ITGAV: variants seen among roughly 807,000 people sequenced by gnomAD.
ITGAV encodes the protein integrin alpha-V.
In ITGAV, 76 loss-of-function variants were observed where a neutral mutation model predicts 143.8. That is an observed-to-expected ratio of 0.53 (90% confidence interval 0.44 to 0.64). The LOEUF is 0.64. Among genes scored for constraint, ITGAV ranks in the 30% least tolerant of loss-of-function variants. The probability of loss-of-function intolerance (pLI) is 0.00; values close to 1 mark genes in which losing one functional copy is unlikely to be tolerated. For synonymous variants in ITGAV, 453 were observed against 446.7 expected (o/e 1.01, Z -0.18); for missense variants, 1,193 against 1,274.7 (o/e 0.94, Z 0.98).
chr2:186,666,278 C>T (rs1371604813), intron 21 of ITGAV, among the ~76,000 whole-genome samples: 1 of 152,132 alleles, frequency 6.6e-6, no homozygotes, highest in African/African-American at 2.4e-5. Flanking sequence ...GGTTGTGGCC[C>T]TACTCATGCC....
chr2:186,636,952 A>G, intron 7 of ITGAV, 113 bp from the exon 8 acceptor site: 2 of 828,992 alleles, frequency 2.4e-6, no homozygotes, highest in South Asian at 1.5e-5. Context: ...GGGACAAAAT[A>G]TTGCATAAGT....
intron 17 of ITGAV, 21 bp downstream of exon 17, chr2:186,656,422 T>G: frequency 1.4e-6 from 2 of 1,447,852 alleles, no homozygotes; most frequent in East Asian, 5.5e-5. Context: ...ACTTTTCTGC[T>G]ACCTTGTTGT....
chr2:186,633,109 A>G (rs538524996), intron 5 of ITGAV, among the ~76,000 whole-genome samples: 2 of 151,396 alleles, frequency 1.3e-5, no homozygotes, highest in Non-Finnish European at 2.9e-5. Context: ...TGACCAGCTT[A>G]CCAGCCTGGA....
chr2:186,590,111 C>G lies in ITGAV; in HGVS notation c.-228C>G, dbSNP rs917721396. 1 of 416,600 alleles carries G rather than the reference C, an allele frequency of 2.4e-6. No homozygotes were observed. Among genetic ancestry groups the G allele is most frequent in the Non-Finnish European group, 4.2e-6 (1 of 240,346 alleles). 25.8% of individuals were successfully genotyped at this position (416,600 alleles called of 1,614,324 possible). A position where few individuals can be genotyped will look rare whatever the true frequency, so the allele number is the denominator to read the frequency against. ...GCGGAGCCGGAGGGAAGCAAAGGACCGTCTGCGCTGCTGTCCCCGCCCCGC... is the reference window on the plus strand; with the variant it reads ...GCGGAGCCGGAGGGAAGCAAAGGACGGTCTGCGCTGCTGTCCCCGCCCCGC... On this transcript the variant is annotated 5_prime_UTR_variant, in exon 1 of 30. Transcript: ENST00000261023.
intron 15 of ITGAV, among the ~76,000 whole-genome samples, chr2:186,653,452 A>G (rs1688499740): frequency 6.6e-6 from 1 of 152,152 alleles, no homozygotes; most frequent in South Asian, 2.1e-4. Context: ...CAAGGAGAAA[A>G]TGATTGGTGC....
intron 4 of ITGAV, among the ~76,000 whole-genome samples, chr2:186,630,046 A>G (rs902690333): frequency 6.6e-6 from 1 of 152,122 alleles, no homozygotes; most frequent in South Asian, 2.1e-4. Flanking sequence ...AGTATCATTT[A>G]AAGATGGTTA....
chr2:186,615,451 T>G (rs1187049138), intron 2 of ITGAV, among the ~76,000 whole-genome samples: 1 of 152,172 alleles, frequency 6.6e-6, no homozygotes, highest in East Asian at 1.9e-4. Flanking sequence ...TGTCTCCGTA[T>G]CCTTGTGGAC....
chr2:186,663,801 G>A lies in ITGAV; in HGVS notation c.1891G>A (p.Val631Ile), dbSNP rs1318209739. Residue 631 changes from valine (V) to isoleucine (I), a missense_variant, in exon 19 of 30, where the codon GTC (valine) becomes ATC (isoleucine). Transcript: ENST00000261023. ...HILLDCGEDN[V>I]CKPKLEVSVD... ...TCTACTTGACTGTGGTGAAGACAAT[G>A]TCTGTAAACCCAAGCTGGAAGTTTC... The A allele has an allele frequency of 2.5e-6, 4 of 1,613,076 alleles. No individual in the cohort carries two copies. In the East Asian group the frequency reaches 6.7e-5, roughly 27 times the overall value.
intron 20 of ITGAV, 148 bp downstream of exon 20, chr2:186,664,789 C>G (rs1473617303): frequency 1.0e-6 from 1 of 963,480 alleles, no homozygotes; most frequent in African/African-American, 1.6e-5. Context: ...TTACATAATT[C>G]CTTTTAAGCC....
chr2:186,592,115 AAT>A (rs1359741917), intron 1 of ITGAV, among the ~76,000 whole-genome samples: 2 of 152,174 alleles, frequency 1.3e-5, no homozygotes, highest in Admixed American at 6.5e-5. Flanking sequence ...TGATTTTGAA[AAT>A]ATATGTCTTC....
intron 3 of ITGAV, 37 bp from the exon 4 acceptor site, chr2:186,625,436 A>G (rs199698426): frequency 4.2e-6 from 6 of 1,416,288 alleles, no homozygotes; most frequent in Non-Finnish European, 5.0e-6. Context: ...AAATTTTTAG[A>G]AAATCTTCGT....
Position 186,668,793 on chromosome 2 carries a change from A to G in ITGAV, c.2465A>G (p.Lys822Arg). 1 of 1,613,634 alleles carries G rather than the reference A, an allele frequency of 6.2e-7. No individual in the cohort carries two copies. Among genetic ancestry groups the G allele is most frequent in the Non-Finnish European group, 8.5e-7 (1 of 1,179,886 alleles). Residue 822 changes from lysine (K) to arginine (R), a missense_variant, in exon 25 of 30, where the codon AAG becomes AGG. Lys to Arg is a conservative substitution (Grantham distance 26, BLOSUM62 2). Coordinates refer to ENST00000261023, the MANE Select transcript of ITGAV (RefSeq NM_002210.5). ...LRNNGPSSFS[K>R]AMLHLQWPYK... ...AACAATGGTCCAAGTTCATTCAGCAAGGCAATGCTCCATCTTCAGTGGCCT... is the reference window on the plus strand; with the variant it reads ...AACAATGGTCCAAGTTCATTCAGCAGGGCAATGCTCCATCTTCAGTGGCCT...
chr2:186,619,148 C>T (rs1382878626), intron 2 of ITGAV, among the ~76,000 whole-genome samples: 1 of 149,286 alleles, frequency 6.7e-6, no homozygotes, highest in African/African-American at 2.5e-5. Flanking sequence ...ACATATATTC[C>T]TGTCTCCTGT....
intron 1 of ITGAV, among the ~76,000 whole-genome samples, chr2:186,599,421 G>A (rs1686835889): frequency 6.6e-6 from 1 of 152,170 alleles, no homozygotes; most frequent in Non-Finnish European, 1.5e-5. Context: ...ACTACAACTG[G>A]ATGACTCACA....
intron 1 of ITGAV, 64 bp from the exon 2 acceptor site, chr2:186,601,957 A>C: frequency 6.6e-7 from 1 of 1,508,270 alleles, no homozygotes; most frequent in Non-Finnish European, 9.0e-7. Context: ...GCTCCTCATA[A>C]ATCAGAAGAT....
At chr2:186,595,393 GATAGGGAGTGC>G (rs1686721067) in intron 1 of ITGAV, among the ~76,000 whole-genome samples, 1 of 152,158 alleles carries the variant, frequency 6.6e-6, no homozygotes, top group Non-Finnish European at 1.5e-5. Context: ...GTACAGTTTG[GATAGGGAGTGC>G]ATCCAAAGGC....
intron 10 of ITGAV, 87 bp from the exon 11 acceptor site, chr2:186,640,828 A>G: frequency 9.6e-7 from 1 of 1,042,012 alleles, no homozygotes; most frequent in Non-Finnish European, 1.4e-6. Flanking sequence ...AAAAAAAATA[A>G]CCCTATTTGG....
intron 18 of ITGAV, among the ~76,000 whole-genome samples, chr2:186,661,061 T>TG (rs1688729852): frequency 2.0e-5 from 3 of 152,220 alleles, no homozygotes; most frequent in South Asian, 4.1e-4. Flanking sequence ...TTATACATTT[T>TG]GGGGGGACAC....
chr2:186,623,041 G>A (rs1179874355), intron 3 of ITGAV, among the ~76,000 whole-genome samples: 2 of 151,944 alleles, frequency 1.3e-5, no homozygotes, highest in Admixed American at 1.3e-4. Context: ...TTGAAAATAC[G>A]ACACGATGTT....
Sources: allele counts gnomAD v4.1 joint callset (sites outside exome capture counted in the v4.1 genomes callset), GRCh38; gene constraint gnomAD v4.1.1; transcripts MANE v1.5; gene names NCBI Gene and HGNC (gene_info 2026-07-23, HGNC 2026-07-21).